Variants in HHATL observed in about 807,000 individuals in gnomAD.
The protein encoded by HHATL is protein-cysteine N-palmitoyltransferase HHAT-like protein.
In HHATL, 49 loss-of-function variants were observed where a neutral mutation model predicts 59.7. The observed-to-expected ratio is 0.82, with a 90% CI of 0.65 to 1.04. The LOEUF (loss-of-function observed/expected upper bound fraction) is 1.04, where lower values mean the gene tolerates loss of function less well. Among genes scored for constraint, HHATL ranks in the 50% least tolerant of loss-of-function variants. HHATL has a pLI of 0.00. For missense variants in HHATL, 605 were observed against 650.8 expected, an observed-to-expected ratio of 0.93 and a Z score of 0.77; for synonymous variants, 238 against 257.3, an observed-to-expected ratio of 0.93 and a Z score of 0.72.
chr3:42,693,390 G>T, intron 10 of HHATL, 172 bp from the exon 11 acceptor site: 1 of 881,250 alleles, frequency 1.1e-6, no homozygotes, highest in Non-Finnish European at 1.7e-6. Context: ...CAGGTCCAGA[G>T]AGAGGACAAG....
rs1044696398 is a variant in HHATL, at chr3:42,701,749, C to T, written c.-14+830G>A. Among the ~76,000 whole-genome samples the T allele has an allele frequency of 6.6e-6, 1 of 152,238 alleles. No individual in the cohort carries two copies. The highest frequency in any genetic ancestry group is 6.5e-5 in the Admixed American group (1 of 15,290). The stretch of plus-strand genomic sequence containing the variant: ...AGCTAGCACCTTTACCCTTCCTATC[C>T]CGCTTCAGCCTGGCTCAGGGGCTTC... On this transcript the variant is annotated intron_variant, in intron 1 of 11. Transcript: ENST00000441594. The surrounding 1 kb of genome is among the most constrained non-coding windows in gnomAD (Gnocchi z 5.1).
intron 5 of HHATL, 52 bp from the exon 6 acceptor site, chr3:42,698,403 G>C: frequency 6.5e-7 from 1 of 1,544,956 alleles, no homozygotes; most frequent in Non-Finnish European, 8.9e-7. Context: ...TCCTGTCTCT[G>C]GAAAACCTAT....
At chr3:42,695,642 G>A (rs1335357920) in intron 9 of HHATL, among the ~76,000 whole-genome samples, 2 of 152,176 alleles carry the variant, frequency 1.3e-5, no homozygotes, top group Non-Finnish European at 2.9e-5. Context: ...CATATATGTT[G>A]CCTCTCTCCA....
chr3:42,699,825 T>G lies in HHATL; in HGVS notation c.107A>C (p.Asp36Ala). 1.9e-6 allele frequency: 3 copies of G among 1,560,222 alleles called. No homozygotes were observed. Among genetic ancestry groups the G allele is most frequent in the Non-Finnish European group, 2.6e-6 (3 of 1,151,464 alleles). Residue 36 changes from aspartate to alanine, a missense_variant and splice_region_variant, in exon 3 of 12, where the codon GAT (aspartate) becomes GCT (alanine). Physicochemically the swap from Asp to Ala is moderately radical, Grantham distance 126. Transcript: ENST00000441594. ...AGRGLLEASQ[D>A]GAHRKAFRES... ...CCGGAAGGCCTTCCTGTGGGCCCCA[T>G]CTGAGAACAGAGTGTGGCCTCAGGG...
At chr3:42,700,078 C>T (rs1697873825) in intron 2 of HHATL, among the ~76,000 whole-genome samples, 1 of 133,542 alleles carries the variant, frequency 7.5e-6, no homozygotes. Context: ...GGGTCCAGGT[C>T]TCTGTGTGTG....
chr3:42,693,304 C>A, intron 10 of HHATL, 86 bp from the exon 11 acceptor site: 1 of 1,534,090 alleles, frequency 6.5e-7, no homozygotes. Flanking sequence ...CCCACCTGGC[C>A]AGTCAGGTCT....
intron 3 of HHATL, 91 bp from the exon 4 acceptor site, chr3:42,699,236 C>G (rs1324738780): frequency 2.8e-6 from 2 of 714,532 alleles, no homozygotes; most frequent in Non-Finnish European, 5.0e-6. Context: ...AGAGCCCCAG[C>G]ACCTTTCCCA....
intron 9 of HHATL, among the ~76,000 whole-genome samples, chr3:42,695,728 T>C (rs756205854): frequency 4.6e-5 from 7 of 152,112 alleles, no homozygotes; most frequent in Non-Finnish European, 8.8e-5. Context: ...TCAGGTGGAA[T>C]CCCTTACTTG....
chr3:42,700,878 GCCA>G (rs1193273427), intron 1 of HHATL, 39 bp from the exon 2 acceptor site: 1 of 1,388,042 alleles, frequency 7.2e-7, no homozygotes, highest in Admixed American at 1.8e-5. Context: ...ACAGTCTCCA[GCCA>G]AGCCTAGCCC....
rs1042341281 is a variant in HHATL, at chr3:42,694,184, A to T, written c.1047-366T>A. On this transcript the variant is annotated intron_variant, in intron 9 of 11. Transcript: ENST00000441594. Reference sequence around the variant, plus strand: ...TTGACAGATTCCCCTATCCCTGCTCAAACCCAGCTCCGTCCTCATCTCAGT... The same window carrying T: ...TTGACAGATTCCCCTATCCCTGCTCTAACCCAGCTCCGTCCTCATCTCAGT... 3 of 267,444 alleles carry T rather than the reference A, an allele frequency of 1.1e-5. No individual in the cohort carries two copies. The South Asian group carries it at 1.5e-4, about 14-fold the overall frequency. The allele number at this position is 267,444 out of a possible 1,614,324, so 16.6% of individuals were successfully genotyped here.
In HHATL at chr3:42,699,890, G is replaced by A. The variant is rs983581564; in HGVS notation, c.107-65C>T. On this transcript the variant is annotated intron_variant, in intron 2 of 11. Coordinates refer to ENST00000441594, the MANE Select transcript of HHATL (RefSeq NM_020707.4). ...ATCCCCTGCCCCACCTTCCCCCGTGGACAAGGCTGCCCCACCCTGGGGAGC... is the reference window on the plus strand; with the variant it reads ...ATCCCCTGCCCCACCTTCCCCCGTGAACAAGGCTGCCCCACCCTGGGGAGC... The A allele has an allele frequency of 1.1e-5, 15 of 1,393,784 alleles. 1 individual carries two copies. In the South Asian group the frequency reaches 1.9e-4, roughly 18 times the overall value. The allele number at this position is 1,393,784 out of a possible 1,614,324, so 86.3% of individuals were successfully genotyped here.
intron 9 of HHATL, 163 bp from the exon 10 acceptor site, chr3:42,693,981 T>G: frequency 4.8e-6 from 3 of 628,160 alleles, no homozygotes; most frequent in Non-Finnish European, 8.6e-6. Context: ...CTTCAAATTG[T>G]GGCAGGCTCA....
At position 42,695,003 on chromosome 3, in the gene HHATL, G is replaced by A. The variant is rs557530794; in HGVS notation, c.1047-1185C>T. 4.0e-5 allele frequency among the ~76,000 whole-genome samples: 6 copies of A among 149,696 alleles called. No homozygotes were observed. The South Asian group carries it at 1.0e-3, about 26-fold the overall frequency. On this transcript the variant is annotated intron_variant, in intron 9 of 11. Transcript: ENST00000441594. ...CCATGTTCACTGCTGTATCCCCAGTGCCTAGAACAATGCCTGGCACATAGG... is the reference window on the plus strand; with the variant it reads ...CCATGTTCACTGCTGTATCCCCAGTACCTAGAACAATGCCTGGCACATAGG...
At chr3:42,693,850 A>C in intron 9 of HHATL, 32 bp from the exon 10 acceptor site, 1 of 1,573,074 alleles carries the variant, frequency 6.4e-7, no homozygotes, top group Non-Finnish European at 8.7e-7. Context: ...GGCCACTGGG[A>C]GTGTGGGAAA....
Position 42,696,573 on chromosome 3 carries a change from C to A in HHATL, c.1046+269G>T, listed in dbSNP as rs1257355105. Among the ~76,000 whole-genome samples the A allele has an allele frequency of 2.6e-5, 4 of 152,194 alleles. No homozygotes were observed. In the East Asian group the frequency reaches 7.7e-4, roughly 29 times the overall value. The stretch of plus-strand genomic sequence containing the variant: ...AGCAATTTGAGCGTCATCTCCTTCT[C>A]CTTCCCAACACCCACAGTTCATGGC... On this transcript the variant is annotated intron_variant, in intron 9 of 11. Coordinates refer to ENST00000441594, the MANE Select transcript of HHATL (RefSeq NM_020707.4).
intron 7 of HHATL, 145 bp from the exon 8 acceptor site, chr3:42,697,290 C>T: frequency 8.5e-7 from 1 of 1,171,806 alleles, no homozygotes. Flanking sequence ...TCAGTCATGC[C>T]TGGTGAAGTG....
intron 3 of HHATL, 25 bp from the exon 4 acceptor site, chr3:42,699,170 G>A: frequency 6.4e-7 from 1 of 1,569,146 alleles, no homozygotes. Flanking sequence ...GGCAGAAGGA[G>A]GTGGGGCAGG....
intron 9 of HHATL, among the ~76,000 whole-genome samples, chr3:42,695,202 CCATT>C (rs1304485942): frequency 6.6e-6 from 1 of 152,196 alleles, no homozygotes; most frequent in Non-Finnish European, 1.5e-5. Context: ...TTTCTAATTC[CCATT>C]CTTTGCCCAA....
chr3:42,692,757 C>G lies in HHATL; in HGVS notation c.1509G>C (p.Pro503=). ...EEEQKQDKEK[P]E ...TCCCTCTACCCGCTCCCTCCTACTCCGGCTTCTCTTTGTCCTGCTTCTGCT... is the reference window on the plus strand; with the variant it reads ...TCCCTCTACCCGCTCCCTCCTACTCGGGCTTCTCTTTGTCCTGCTTCTGCT... The change falls in exon 12 of 12, where the codon CCG becomes CCC. Residue 503 remains proline (P), a synonymous_variant. Transcript: ENST00000441594. 3 of 1,614,160 alleles carry G rather than the reference C, an allele frequency of 1.9e-6. No individual in the cohort carries two copies. Among genetic ancestry groups the G allele is most frequent in the Non-Finnish European group, 2.5e-6 (3 of 1,179,976 alleles).
Sources: allele counts gnomAD v4.1 joint callset (sites outside exome capture counted in the v4.1 genomes callset), GRCh38; gene constraint gnomAD v4.1.1; non-coding constraint Gnocchi (gnomAD v3.1); transcripts MANE v1.5; gene names NCBI Gene and HGNC (gene_info 2026-07-23, HGNC 2026-07-21).